Variants in ZDHHC6 observed in about 807,000 individuals in gnomAD.
The protein encoded by ZDHHC6 is zDHHC palmitoyltransferase 6.
In ZDHHC6, 32 loss-of-function variants were observed where a neutral mutation model predicts 57.8. The observed-to-expected ratio is 0.55, with a 90% CI of 0.42 to 0.74. The LOEUF (loss-of-function observed/expected upper bound fraction) is 0.74, where lower values mean the gene tolerates loss of function less well. Among genes scored for constraint, ZDHHC6 ranks in the 30% least tolerant of loss-of-function variants. The pLI, the probability that ZDHHC6 is intolerant of heterozygous loss-of-function variation, is 0.00. For synonymous variants in ZDHHC6, 128 were observed against 158.0 expected (o/e 0.81, Z 1.42); for missense variants, 433 against 500.7 (o/e 0.86, Z 1.29).
upstream of ZDHHC6, chr10:112,447,189 A>G: frequency 1.7e-6 from 1 of 584,940 alleles, no homozygotes; most frequent in Non-Finnish European, 3.0e-6. Flanking sequence ...CACGCAACCC[A>G]ATTTCCGGAG....
chr10:112,432,017 G>A (rs1002158705), intron 10 of ZDHHC6, among the ~76,000 whole-genome samples: 7 of 152,106 alleles, frequency 4.6e-5, no homozygotes, highest in East Asian at 1.9e-4. Context: ...AGTACTTTTC[G>A]CATAGTTATG....
intron 10 of ZDHHC6, 137 bp from the exon 11 acceptor site, chr10:112,431,044 CACAG>C: frequency 1.4e-6 from 1 of 701,422 alleles, no homozygotes; most frequent in Non-Finnish European, 2.3e-6. Flanking sequence ...CTATTATAAG[CACAG>C]TTTGAAGGGG....
intron 10 of ZDHHC6, among the ~76,000 whole-genome samples, chr10:112,431,383 A>G (rs1362805714): frequency 2.0e-5 from 3 of 151,724 alleles, no homozygotes; most frequent in African/African-American, 4.8e-5. Flanking sequence ...GCACGATCTC[A>G]GATTACTGCA....
At chr10:112,428,435 A>AC, downstream of ZDHHC6, 2 of 398,460 alleles carry the variant, frequency 5.0e-6, no homozygotes, top group East Asian at 7.1e-5. Context: ...TTAAACAAGG[A>AC]CCCCTTAAAA....
intron 4 of ZDHHC6, among the ~76,000 whole-genome samples, 192 bp downstream of exon 4, chr10:112,442,000 A>C (rs1349168168): frequency 6.6e-6 from 1 of 152,188 alleles, no homozygotes; most frequent in African/African-American, 2.4e-5. Context: ...CAGAACAAAT[A>C]CTCTTTCCTC....
chr10:112,433,801 T>C (rs1393074992), intron 7 of ZDHHC6, among the ~76,000 whole-genome samples: 4 of 152,164 alleles, frequency 2.6e-5, no homozygotes, highest in Non-Finnish European at 5.9e-5. Flanking sequence ...AAGTTACAGA[T>C]ATAAGATAGC....
chr10:112,440,278 C>G (rs775035729), intron 5 of ZDHHC6, among the ~76,000 whole-genome samples: 13 of 152,148 alleles, frequency 8.5e-5, no homozygotes, highest in Non-Finnish European at 1.5e-4. Flanking sequence ...GTGAGAAGAG[C>G]TCTCTCAATT....
chr10:112,444,606 G>A (rs1394796539), intron 2 of ZDHHC6, among the ~76,000 whole-genome samples: 11 of 152,288 alleles, frequency 7.2e-5, no homozygotes, highest in Admixed American at 5.2e-4. Context: ...GTCTGAAGTG[G>A]AGCCCAAGAT....
exon 12 of ZDHHC6, chr10:112,425,144 A>G (rs979661832): frequency 6.5e-6 from 3 of 463,950 alleles, no homozygotes; most frequent in Admixed American, 3.9e-5. Flanking sequence ...ATAGATATAC[A>G]GTAAAGACAG....
At chr10:112,430,968 A>T in intron 10 of ZDHHC6, 61 bp from the exon 11 acceptor site, 1 of 1,373,682 alleles carries the variant, frequency 7.3e-7, no homozygotes, top group Non-Finnish European at 1.0e-6. Flanking sequence ...CATTACTGAA[A>T]GCAGTAAGTC....
intron 10 of ZDHHC6, among the ~76,000 whole-genome samples, chr10:112,431,377 G>C (rs1002013178): frequency 1.3e-5 from 2 of 151,372 alleles, no homozygotes; most frequent in Non-Finnish European, 2.9e-5. Flanking sequence ...GCAGTGGCAC[G>C]ATCTCAGATT....
intron 8 of ZDHHC6, 112 bp downstream of exon 8, chr10:112,433,128 C>G (rs1033437793): frequency 1.6e-5 from 13 of 796,110 alleles, no homozygotes; most frequent in South Asian, 1.6e-4. Flanking sequence ...TTAAGGAATA[C>G]TATTTAATAA....
downstream of ZDHHC6, among the ~76,000 whole-genome samples, chr10:112,429,558 C>G (rs1844866057): frequency 6.6e-6 from 1 of 152,292 alleles, no homozygotes; most frequent in African/African-American, 2.4e-5. Context: ...GCTTCACATT[C>G]CCTGCCTTGG....
chr10:112,437,453 A>C (rs1845648774), intron 6 of ZDHHC6, among the ~76,000 whole-genome samples: 1 of 152,222 alleles, frequency 6.6e-6, no homozygotes, highest in Non-Finnish European at 1.5e-5. Flanking sequence ...TCAAGTTTTC[A>C]ATGTAATACG....
At chr10:112,429,984 G>C (rs933732372), downstream of ZDHHC6, among the ~76,000 whole-genome samples, 6 of 150,820 alleles carry the variant, frequency 4.0e-5, no homozygotes, top group East Asian at 5.8e-4. Context: ...GGGTGTGGGG[G>C]GGGTATTTCC....
At position 112,432,429 on chromosome 10, in the gene ZDHHC6, C is replaced by A; in HGVS notation, c.1038G>T (p.Glu346Asp). The change falls in exon 9 of 11, where the codon GAG (glutamate) becomes GAT (aspartate). Residue 346 changes from glutamate to aspartate, a missense_variant. By Grantham distance (45) the Glu-to-Asp change is conservative (BLOSUM62 2). Coordinates refer to ENST00000369405, the MANE Select transcript of ZDHHC6 (RefSeq NM_022494.3). ...KTFFTSPCTE[E>D]PRIQLQKGEF... ...CCCCTTTTTGCAGCTGTATTCGAGG[C>A]TCTTCGGTGCAGGGACTTGTGAAGA... 2.5e-6 allele frequency: 4 copies of A among 1,614,206 alleles called. No homozygotes were observed. The East Asian group carries it at 8.9e-5, about 36-fold the overall frequency.
chr10:112,445,676 C>T, intron 1 of ZDHHC6, 26 bp from the exon 2 acceptor site: 2 of 539,618 alleles, frequency 3.7e-6, no homozygotes, highest in African/African-American at 1.9e-5. Flanking sequence ...TGGGAAAGTT[C>T]AGTTAAAACA....
At chr10:112,424,554 C>T (rs1844597348) in exon 12 of ZDHHC6, 1 of 152,166 alleles carries the variant, frequency 6.6e-6, no homozygotes, top group South Asian at 2.1e-4. Context: ...GTCCCCACAC[C>T]AGGGTTATAG....
chr10:112,425,887 A>C (rs757202430), downstream of ZDHHC6, among the ~76,000 whole-genome samples: 26 of 152,212 alleles, frequency 1.7e-4, no homozygotes, highest in African/African-American at 6.0e-4. Context: ...TGTTTTATAC[A>C]TACTATGCTT....
Sources: allele counts gnomAD v4.1 joint callset (sites outside exome capture counted in the v4.1 genomes callset), GRCh38; gene constraint gnomAD v4.1.1; transcripts MANE v1.5; gene names NCBI Gene and HGNC (gene_info 2026-07-23, HGNC 2026-07-21).